The following CHGA variants were observed in gnomAD, a reference collection of about 807,000 sequenced individuals.
The protein encoded by CHGA is chromogranin-A.
Under a neutral mutation model 54.4 loss-of-function variants are expected in CHGA, and 41 were observed. The observed-to-expected ratio is 0.75, with a 90% CI of 0.59 to 0.98. The LOEUF (loss-of-function observed/expected upper bound fraction) is 0.98, where lower values mean the gene tolerates loss of function less well. CHGA is among the 50% of genes least tolerant of loss of function. The pLI, the probability that CHGA is intolerant of heterozygous loss-of-function variation, is 0.00. For missense variants in CHGA, 576 were observed against 582.3 expected (o/e 0.99, Z 0.11); for synonymous variants, 249 against 232.8 (o/e 1.07, Z -0.63).
chr14:92,929,847 GA>G, intron 5 of CHGA, 32 bp downstream of exon 5: 1 of 1,590,398 alleles, frequency 6.3e-7, no homozygotes. Flanking sequence ...CGGAGGTGGG[GA>G]AGGGAGGGTG....
At chr14:92,934,614 T>G (rs1159717687) in intron 7 of CHGA, among the ~76,000 whole-genome samples, 187 bp from the exon 8 acceptor site, 1 of 152,022 alleles carries the variant, frequency 6.6e-6, no homozygotes, top group African/African-American at 2.4e-5. Context: ...TCAGCCACCT[T>G]CTTGTGCATA....
In CHGA at chr14:92,931,528, G is replaced by C. The variant is rs760176658; in HGVS notation, c.634G>C (p.Asp212His). 3.1e-6 allele frequency: 5 copies of C among 1,612,896 alleles called. No individual in the cohort carries two copies. In the South Asian group the frequency reaches 4.4e-5, roughly 14 times the overall value. ...TGAGGGCCTCTCTCAGGGTCTGGTG[G>C]ACAGAGAGAAGGGCCTGAGTGCAGA... is the stretch of plus-strand genomic sequence containing the variant. ...DSEGLSQGLV[D>H]REKGLSAEPG... is the part of the protein sequence containing the mutation. The change falls in exon 6 of 8, where the codon GAC (aspartate) becomes CAC (histidine). Residue 212 changes from aspartate (D) to histidine (H), a missense_variant. Physicochemically the swap from Asp to His is moderately conservative, Grantham distance 81. Transcript: ENST00000216492.
chr14:92,929,574 T>G (rs1886953444), intron 4 of CHGA, 143 bp from the exon 5 acceptor site: 4 of 721,040 alleles, frequency 5.5e-6, no homozygotes, highest in Non-Finnish European at 9.5e-6. Context: ...CTCCCCAAGC[T>G]CACGCCCCAT....
In CHGA at chr14:92,923,205, G is replaced by A. The variant is rs1465031962; in HGVS notation, c.-155G>A. Reference sequence around the variant, plus strand: ...CCCCGTGCAGGGGAGCTTGCGGGAGGATCGACCGACAGACGGACGCACGCC... The same window carrying A: ...CCCCGTGCAGGGGAGCTTGCGGGAGAATCGACCGACAGACGGACGCACGCC... On this transcript the variant is annotated 5_prime_UTR_variant, in exon 1 of 8. Transcript: ENST00000216492. 1.1e-5 allele frequency: 6 copies of A among 561,212 alleles called. No homozygotes were observed. In the Admixed American group the frequency reaches 2.4e-4, roughly 22 times the overall value. The allele number at this position is 561,212 out of a possible 1,614,324, so 34.8% of individuals were successfully genotyped here.
intron 3 of CHGA, 24 bp from the exon 4 acceptor site, chr14:92,927,526 C>A: frequency 6.3e-7 from 1 of 1,593,854 alleles, no homozygotes; most frequent in Non-Finnish European, 8.6e-7. Flanking sequence ...GGAAACCACC[C>A]ATGATGACTC....
At position 92,931,254 on chromosome 14, in the gene CHGA, G is replaced by A. The variant is rs755288105; in HGVS notation, c.360G>A (p.Ala120=). 42 of 1,608,442 alleles carry A rather than the reference G, an allele frequency of 2.6e-5. No individual in the cohort carries two copies. Among genetic ancestry groups the A allele is most frequent in the Middle Eastern group, 1.7e-4 (1 of 6,006 alleles). ...TTGGCTGTGCTGTGTCTGCAGAGGCGGTGGAAGAGCCATCATCCAAGGATG... is the reference window on the plus strand; with the variant it reads ...TTGGCTGTGCTGTGTCTGCAGAGGCAGTGGAAGAGCCATCATCCAAGGATG... ...NQSSQAELKE[A]VEEPSSKDVM... is the part of the protein sequence containing the mutation. The change falls in exon 6 of 8, where the codon GCG becomes GCA. Residue 120 remains alanine (A), a synonymous_variant. Coordinates refer to ENST00000216492, the MANE Select transcript of CHGA (RefSeq NM_001275.4).
Position 92,923,321 on chromosome 14 carries a change from C to T in CHGA, c.-39C>T. 1 of 1,316,206 alleles carries T rather than the reference C, an allele frequency of 7.6e-7. No homozygotes were observed. Among genetic ancestry groups the T allele is most frequent in the Non-Finnish European group, 9.7e-7 (1 of 1,035,514 alleles). 81.5% of individuals were successfully genotyped at this position (1,316,206 alleles called of 1,614,324 possible). A position where few individuals can be genotyped will look rare whatever the true frequency, so the allele number is the denominator to read the frequency against. ...GCCCCTCGCCCGGTGCCTAGGTGCC[C>T]GGCCCCACACCGCCAGCTGCTCGGC... On this transcript the variant is annotated 5_prime_UTR_variant, in exon 1 of 8. Transcript: ENST00000216492.
At position 92,932,859 on chromosome 14, in the gene CHGA, T is replaced by C. The variant is rs1180776023; in HGVS notation, c.1290+8T>C. ...GCAAACCGCAGACCAGAGGTTGGTA[T>C]GGGGCGGGAGCCAGCTCTGTGCCAG... is the stretch of plus-strand genomic sequence containing the variant. On this transcript the variant is annotated splice_region_variant and intron_variant, in intron 7 of 7. Transcript: ENST00000216492. The surrounding 1 kb of genome is among the most constrained non-coding windows in gnomAD (Gnocchi z 5.3). The C allele has an allele frequency of 1.4e-5, 21 of 1,475,540 alleles. No individual in the cohort carries two copies. Among genetic ancestry groups the C allele is most frequent in the Middle Eastern group, 2.1e-4 (1 of 4,866 alleles). 91.4% of individuals were successfully genotyped at this position (1,475,540 alleles called of 1,614,324 possible).
In CHGA at chr14:92,932,792, G is replaced by A; in HGVS notation, c.1231G>A (p.Val411Ile). The change falls in exon 7 of 8, where the codon GTC becomes ATC. Residue 411 changes from valine (V) to isoleucine (I), a missense_variant. Coordinates refer to ENST00000216492, the MANE Select transcript of CHGA (RefSeq NM_001275.4). This position sits in a 1 kb window ranked among gnomAD's most constrained non-coding sequence, Gnocchi z 5.3. ...DSLEAGLPLQ[V>I]RGYPEEKKEE... ...CCTTGAGGCGGGCCTGCCCCTCCAG[G>A]TCCGAGGCTACCCCGAGGAGAAGAA... 6.3e-7 allele frequency: 1 copy of A among 1,574,820 alleles called. No homozygotes were observed. Among genetic ancestry groups the A allele is most frequent in the African/African-American group, 1.3e-5 (1 of 74,210 alleles).
Position 92,929,697 on chromosome 14 carries a change from C to T in CHGA, c.257-20C>T. 6.2e-7 allele frequency: 1 copy of T among 1,611,792 alleles called. No individual in the cohort carries two copies. The highest frequency in any genetic ancestry group is 1.1e-5 in the South Asian group (1 of 91,038). On this transcript the variant is annotated intron_variant, in intron 4 of 7. Coordinates refer to ENST00000216492, the MANE Select transcript of CHGA (RefSeq NM_001275.4). Reference sequence around the variant, plus strand: ...CACAGCTGCACCCAATGGGACTTTTCCCTCCTTTTCTCATACCAGGCGCCA... The same window carrying T: ...CACAGCTGCACCCAATGGGACTTTTTCCTCCTTTTCTCATACCAGGCGCCA...
In CHGA at chr14:92,933,001, G is replaced by T. The variant is rs559483106; in HGVS notation, c.1290+150G>T. ...GAGATGCTCAGACCGGGGGCTCTCA[G>T]GGTGGGAGAACACCCCAGCTCACAG... is the stretch of plus-strand genomic sequence containing the variant. On this transcript the variant is annotated intron_variant, in intron 7 of 7. Coordinates refer to ENST00000216492, the MANE Select transcript of CHGA (RefSeq NM_001275.4). The T allele has an allele frequency of 2.4e-6, 3 of 1,244,950 alleles. No homozygotes were observed. The East Asian group carries it at 7.9e-5, about 33-fold the overall frequency. 77.1% of individuals were successfully genotyped at this position (1,244,950 alleles called of 1,614,324 possible).
In CHGA at chr14:92,929,713, C is replaced by T. The variant is rs1318896130; in HGVS notation, c.257-4C>T. 1.9e-6 allele frequency: 3 copies of T among 1,613,504 alleles called. No individual in the cohort carries two copies. In the African/African-American group the frequency reaches 4.0e-5, roughly 22 times the overall value. On this transcript the variant is annotated splice_polypyrimidine_tract_variant and splice_region_variant and intron_variant, in intron 4 of 7. Transcript: ENST00000216492. ...GGGACTTTTCCCTCCTTTTCTCATA[C>T]CAGGCGCCAAGGAGAGGGCACATCA...
chr14:92,927,144 A>G (rs1886902041), intron 3 of CHGA, among the ~76,000 whole-genome samples: 2 of 152,244 alleles, frequency 1.3e-5, no homozygotes, highest in Admixed American at 6.5e-5. Context: ...TAACTGCTGG[A>G]TAGAGCCAGC....
chr14:92,926,429 C>G (rs115599902), intron 2 of CHGA, 176 bp from the exon 3 acceptor site: 3 of 614,256 alleles, frequency 4.9e-6, no homozygotes, highest in Non-Finnish European at 8.8e-6. Flanking sequence ...TTTCTATTAT[C>G]ATTGCTATCA....
Position 92,932,881 on chromosome 14 carries a change from C to T in CHGA, c.1290+30C>T, listed in dbSNP as rs773776565. ...GTATGGGGCGGGAGCCAGCTCTGTG[C>T]CAGGCCACGGAGCAGCAGGGGGCAG... On this transcript the variant is annotated intron_variant, in intron 7 of 7. Transcript: ENST00000216492. This position sits in a 1 kb window ranked among gnomAD's most constrained non-coding sequence, Gnocchi z 5.3. 1 of 1,457,724 alleles carries T rather than the reference C, an allele frequency of 6.9e-7. No individual in the cohort carries two copies. Among genetic ancestry groups the T allele is most frequent in the Non-Finnish European group, 9.1e-7 (1 of 1,102,616 alleles). 90.3% of individuals were successfully genotyped at this position (1,457,724 alleles called of 1,614,324 possible). A position where few individuals can be genotyped will look rare whatever the true frequency, so the allele number is the denominator to read the frequency against.
At chr14:92,934,446 T>A (rs59902246) in intron 7 of CHGA, among the ~76,000 whole-genome samples, 1 of 151,844 alleles carries the variant, frequency 6.6e-6, no homozygotes, top group Non-Finnish European at 1.5e-5. Context: ...CTGGCAACCA[T>A]GGGCTAGGCC....
At chr14:92,933,457 C>G (rs1272363647) in intron 7 of CHGA, among the ~76,000 whole-genome samples, 1 of 152,150 alleles carries the variant, frequency 6.6e-6, no homozygotes, top group Non-Finnish European at 1.5e-5. Flanking sequence ...CACACAAAGG[C>G]TTTGAAAACC....
chr14:92,934,745 G>A (rs1272008995), intron 7 of CHGA, 56 bp from the exon 8 acceptor site: 6 of 1,399,158 alleles, frequency 4.3e-6, no homozygotes, highest in Non-Finnish European at 5.9e-6. Context: ...CTGGCTTACT[G>A]TGCCTTCCAT....
Position 92,926,627 on chromosome 14 carries a change from T to A in CHGA, c.116T>A (p.Val39Asp). The A allele has an allele frequency of 6.2e-7, 1 of 1,613,866 alleles. No individual in the cohort carries two copies. The highest frequency in any genetic ancestry group is 8.5e-7 in the Non-Finnish European group (1 of 1,179,992). ...CAGGTGATGAAATGCATCGTTGAGG[T>A]CATCTCCGACACACTTTCCAAGCCC... ...DTEVMKCIVE[V>D]ISDTLSKPSP... Residue 39 changes from valine to aspartate, a missense_variant, in exon 3 of 8, where the codon GTC (valine) becomes GAC (aspartate). Physicochemically the swap from Val to Asp is radical, Grantham distance 152 (BLOSUM62 -3). Transcript: ENST00000216492.
Sources: allele counts gnomAD v4.1 joint callset (sites outside exome capture counted in the v4.1 genomes callset), GRCh38; gene constraint gnomAD v4.1.1; non-coding constraint Gnocchi (gnomAD v3.1); transcripts MANE v1.5; gene names NCBI Gene and HGNC (gene_info 2026-07-23, HGNC 2026-07-21).